The following CDH24 variants were observed in gnomAD, a reference collection of about 807,000 sequenced individuals.
CDH24 encodes cadherin-24.
Under a neutral mutation model 71.2 loss-of-function variants are expected in CDH24, and 61 were observed. That is an observed-to-expected ratio of 0.86 (90% CI 0.70 to 1.06). The LOEUF is 1.06. Among genes scored for constraint, CDH24 ranks in the 50% least tolerant of loss-of-function variants. CDH24 has a pLI of 0.00. For missense variants in CDH24, 961 were observed against 1,083.7 expected (o/e 0.89, Z 1.59); for synonymous variants, 440 against 470.2 (o/e 0.94, Z 0.83).
Position 23,054,562 on chromosome 14 carries a change from G to C in CDH24, c.728C>G (p.Thr243Ser). ...GGHMGGLSGS[T>S]TVTVTLSDVN... is the part of the protein sequence containing the mutation. ...ATCGCTGAGCGTGACAGTCACCGTA[G>C]TGCTGCCTGACAGCCCCCCCATGTG... The change falls in exon 5 of 13, where the codon ACT becomes AGT. Residue 243 changes from threonine to serine, a missense_variant. By Grantham distance (58) the Thr-to-Ser change is moderately conservative (BLOSUM62 1). This residue lies in a region of CDH24 where 671 missense variants were observed against 810.9 expected (regional missense o/e 0.83). Transcript: ENST00000487137. The surrounding 1 kb of genome is among the most constrained non-coding windows in gnomAD (Gnocchi z 5.2). 1 of 1,614,080 alleles carries C rather than the reference G, an allele frequency of 6.2e-7. No homozygotes were observed. Among genetic ancestry groups the C allele is most frequent in the Non-Finnish European group, 8.5e-7 (1 of 1,179,998 alleles).
At position 23,048,115 on chromosome 14, in the gene CDH24, G is replaced by A. The variant is rs1033318103; in HGVS notation, c.2211C>T (p.Cys737=). The A allele has an allele frequency of 2.1e-6, 3 of 1,403,694 alleles. No individual in the cohort carries two copies. Among genetic ancestry groups the A allele is most frequent in the Admixed American group, 3.4e-5 (1 of 29,504 alleles). 87.0% of individuals were successfully genotyped at this position (1,403,694 alleles called of 1,614,324 possible). Residue 737 remains cysteine, a synonymous_variant, in exon 12 of 13, where the codon TGC becomes TGT. Transcript: ENST00000487137. ...VYGYEGRGSS[C]GSLSSLGSGS... ...CGGAGCCCAGGGAGCTGAGGGAGCC[G>A]CAAGAGGAGCCGCGGCCCTCGTAGC...
chr14:23,052,826 G>C (rs577605236), intron 7 of CDH24, among the ~76,000 whole-genome samples: 3 of 152,252 alleles, frequency 2.0e-5, no homozygotes, highest in Admixed American at 6.5e-5. Context: ...GGTTTCACGG[G>C]GGGAGGGGGA....
chr14:23,051,906 T>C lies in CDH24; in HGVS notation c.1363+567A>G. 3.2e-6 allele frequency: 3 copies of C among 951,416 alleles called. No individual in the cohort carries two copies. The highest frequency in any genetic ancestry group is 4.7e-6 in the Non-Finnish European group (3 of 633,634). 58.9% of individuals were successfully genotyped at this position (951,416 alleles called of 1,614,324 possible). On this transcript the variant is annotated intron_variant, in intron 8 of 12. Transcript: ENST00000487137. This position sits in a 1 kb window ranked among gnomAD's most constrained non-coding sequence, Gnocchi z 4.4. ...CAGCTGAACCCGCTGCTGGCCTGAC[T>C]GATGGGGGAGACCGCATATGGAGCT...
intron 11 of CDH24, 26 bp downstream of exon 11, chr14:23,049,001 C>A: frequency 6.2e-7 from 1 of 1,605,614 alleles, no homozygotes. Context: ...GATCGCACAG[C>A]TATGTACCAC....
At position 23,047,860 on chromosome 14, in the gene CDH24, G is replaced by T; in HGVS notation, c.*120C>A. 1 of 630,902 alleles carries T rather than the reference G, an allele frequency of 1.6e-6. No homozygotes were observed. The highest frequency in any genetic ancestry group is 2.3e-6 in the Non-Finnish European group (1 of 437,368). 39.1% of individuals were successfully genotyped at this position (630,902 alleles called of 1,614,324 possible). A position where few individuals can be genotyped will look rare whatever the true frequency, so the allele number is the denominator to read the frequency against. ...CCCGGGGAAGCAAGGAGGGACACAAGGACAGGGAGGAGGCCTGGGGCCCCT... is the reference window on the plus strand; with the variant it reads ...CCCGGGGAAGCAAGGAGGGACACAATGACAGGGAGGAGGCCTGGGGCCCCT... On this transcript the variant is annotated 3_prime_UTR_variant, in exon 12 of 13. Coordinates refer to ENST00000487137, the MANE Select transcript of CDH24 (RefSeq NM_144985.4).
chr14:23,055,288 G>A lies in CDH24; in HGVS notation c.267C>T (p.Gly89=), dbSNP rs552102608. Residue 89 remains glycine, a synonymous_variant, in exon 3 of 13, where the codon GGC becomes GGT. Coordinates refer to ENST00000487137, the MANE Select transcript of CDH24 (RefSeq NM_144985.4). The surrounding 1 kb of genome is among the most constrained non-coding windows in gnomAD (Gnocchi z 4.1). ...TGGCCTCATCAATCACAAATACGGT[G>A]CCTGCCCCCTCCCCGGTCAACAGGT... ...TKYLLTGEGA[G]TVFVIDEATG... 29 of 1,612,644 alleles carry A rather than the reference G, an allele frequency of 1.8e-5. 1 individual carries two copies. The East Asian group carries it at 3.6e-4, about 20-fold the overall frequency.
Position 23,049,240 on chromosome 14 carries a change from C to T in CDH24, c.1633G>A (p.Ala545Thr). ...AAGTAGGGGGCATGGCGGGGTGGAG[C>T]AGGGCGGGAGGGCAGCAGCAGGCTG... ...SASLLLPSRP[A>T]PPRHAPYLVP... Residue 545 changes from alanine (A) to threonine (T), a missense_variant, in exon 11 of 13, where the codon GCT becomes ACT. By Grantham distance (58) the Ala-to-Thr change is moderately conservative (BLOSUM62 0). Coordinates refer to ENST00000487137, the MANE Select transcript of CDH24 (RefSeq NM_144985.4). 1 of 1,577,042 alleles carries T rather than the reference C, an allele frequency of 6.3e-7. No homozygotes were observed. Among genetic ancestry groups the T allele is most frequent in the South Asian group, 1.2e-5 (1 of 86,654 alleles).
chr14:23,052,437 A>G, intron 8 of CDH24, 36 bp downstream of exon 8: 1 of 1,611,578 alleles, frequency 6.2e-7, no homozygotes. Flanking sequence ...CTCGGCCAGG[A>G]GGCTGCTGCC....
At chr14:23,048,916 G>T in intron 11 of CDH24, 111 bp downstream of exon 11, 2 of 1,282,272 alleles carry the variant, frequency 1.6e-6, no homozygotes, top group Non-Finnish European at 2.2e-6. Context: ...ATCCAGGTAT[G>T]AGGGTCGTTC....
intron 8 of CDH24, chr14:23,050,215 A>C: frequency 5.7e-6 from 2 of 349,436 alleles, no homozygotes; most frequent in Non-Finnish European, 5.3e-6. Context: ...ATATACAATA[A>C]CCCACATGCA....
Position 23,051,973 on chromosome 14 carries a change from G to A in CDH24, c.1363+500C>T. The A allele has an allele frequency of 1.9e-6, 3 of 1,554,530 alleles. No homozygotes were observed. The highest frequency in any genetic ancestry group is 1.4e-5 in the African/African-American group (1 of 73,488). ...CTTATGGTGTCCACTCCCCTACCTT[G>A]GGGGATTCCCACAGCGCTTCCAACA... On this transcript the variant is annotated intron_variant, in intron 8 of 12. Transcript: ENST00000487137. The surrounding 1 kb of genome is among the most constrained non-coding windows in gnomAD (Gnocchi z 4.4).
Position 23,054,128 on chromosome 14 carries a change from G to A in CDH24, c.972+13C>T. 6.3e-7 allele frequency: 1 copy of A among 1,576,258 alleles called. No individual in the cohort carries two copies. Among genetic ancestry groups the A allele is most frequent in the Non-Finnish European group, 8.6e-7 (1 of 1,157,272 alleles). ...CAGGTCTAAGAGAAAGCATTAACAG[G>A]CAGGAGGCTAACCTTGCGGACAGTG... is the stretch of plus-strand genomic sequence containing the variant. On this transcript the variant is annotated intron_variant, in intron 6 of 12. Coordinates refer to ENST00000487137, the MANE Select transcript of CDH24 (RefSeq NM_144985.4). This position sits in a 1 kb window ranked among gnomAD's most constrained non-coding sequence, Gnocchi z 5.2.
chr14:23,054,627 C>T lies in CDH24; in HGVS notation c.663G>A (p.Glu221=). The T allele has an allele frequency of 6.2e-7, 1 of 1,614,152 alleles. No homozygotes were observed. ...TGGCCTGGATCACCACCAAGAACTC[C>T]TCCTGTGTCTCCCGGTCCATGTTGG... ...AIPNMDRETQ[E]EFLVVIQAKD... Residue 221 remains glutamate (E), a synonymous_variant, in exon 5 of 13, where the codon GAG becomes GAA. Coordinates refer to ENST00000487137, the MANE Select transcript of CDH24 (RefSeq NM_144985.4). The surrounding 1 kb of genome is among the most constrained non-coding windows in gnomAD (Gnocchi z 5.2).
chr14:23,052,768 C>T (rs2047094762), intron 7 of CDH24, among the ~76,000 whole-genome samples, 159 bp from the exon 8 acceptor site: 1 of 152,032 alleles, frequency 6.6e-6, no homozygotes, highest in Non-Finnish European at 1.5e-5. Flanking sequence ...GGCATATATC[C>T]CTGGGGGATC....
intron 7 of CDH24, 151 bp from the exon 8 acceptor site, chr14:23,052,760 C>T: frequency 2.7e-6 from 2 of 739,570 alleles, no homozygotes; most frequent in Non-Finnish European, 4.5e-6. Flanking sequence ...CCTTAAAAGG[C>T]ATATATCCCT....
At position 23,055,443 on chromosome 14, in the gene CDH24, AGGGAC is replaced by A; in HGVS notation, c.201+85_201+89del. 1 of 1,585,266 alleles carries A rather than the reference AGGGAC, an allele frequency of 6.3e-7. No homozygotes were observed. The highest frequency in any genetic ancestry group is 8.6e-7 in the Non-Finnish European group (1 of 1,162,104). On this transcript the variant is annotated intron_variant, in intron 2 of 12. Transcript: ENST00000487137. The surrounding 1 kb of genome is among the most constrained non-coding windows in gnomAD (Gnocchi z 4.1). The stretch of plus-strand genomic sequence containing the variant: ...TTTGGGTAGAGCGTTGGGAGTCCTG[AGGGAC>A]CAAGGTCATTGCAGAAGTGATGAAG...
chr14:23,048,097 C>A lies in CDH24; in HGVS notation c.2229G>T (p.Leu743=). The change falls in exon 12 of 13, where the codon CTG becomes CTT. Residue 743 remains leucine, a synonymous_variant. Transcript: ENST00000487137. ...RGSSCGSLSS[L]GSGSEAGGAP... ...CGCCGCCGGCTTCGCTGCCGGAGCC[C>A]AGGGAGCTGAGGGAGCCGCAAGAGG... The A allele has an allele frequency of 7.1e-7, 1 of 1,417,296 alleles. No homozygotes were observed. The highest frequency in any genetic ancestry group is 9.2e-7 in the Non-Finnish European group (1 of 1,091,582). 87.8% of individuals were successfully genotyped at this position (1,417,296 alleles called of 1,614,324 possible).
chr14:23,054,029 TA>T lies in CDH24; in HGVS notation c.972+111del. 8.3e-7 allele frequency: 1 copy of T among 1,209,820 alleles called. No individual in the cohort carries two copies. The highest frequency in any genetic ancestry group is 1.1e-6 in the Non-Finnish European group (1 of 873,586). 74.9% of individuals were successfully genotyped at this position (1,209,820 alleles called of 1,614,324 possible). Reference sequence around the variant, plus strand: ...AGGATGAGGAGGTGACCATGATCTCTAAGCTCCAACAGAGAGATCCTGAGTC... The same window carrying T: ...AGGATGAGGAGGTGACCATGATCTCTAGCTCCAACAGAGAGATCCTGAGTC... On this transcript the variant is annotated intron_variant, in intron 6 of 12. Coordinates refer to ENST00000487137, the MANE Select transcript of CDH24 (RefSeq NM_144985.4). This position sits in a 1 kb window ranked among gnomAD's most constrained non-coding sequence, Gnocchi z 5.2.
chr14:23,054,934 G>GC lies in CDH24; in HGVS notation c.497-69_497-68insG. ...GATGGGGAAGAACAACCGATGGGGG[G>GC]GGATGCAGATACGAGGGAGGCTGAA... On this transcript the variant is annotated intron_variant, in intron 3 of 12. Transcript: ENST00000487137. This position sits in a 1 kb window ranked among gnomAD's most constrained non-coding sequence, Gnocchi z 5.2. 5.0e-6 allele frequency: 8 copies of GC among 1,604,442 alleles called. No homozygotes were observed. Among genetic ancestry groups the GC allele is most frequent in the Non-Finnish European group, 6.8e-6 (8 of 1,175,560 alleles).
Sources: gnomAD v4.1 joint callset for allele counts (sites outside exome capture counted in the v4.1 genomes callset) on GRCh38, gnomAD v4.1.1 for gene constraint, gnomAD v4.1.1 regional missense constraint, Gnocchi (gnomAD v3.1) non-coding constraint, MANE v1.5 for transcripts, NCBI Gene and HGNC (gene_info 2026-07-23, HGNC 2026-07-21) for gene names.